The following TMEM132C variants were observed in gnomAD, a reference collection of about 807,000 sequenced individuals.
TMEM132C encodes the protein protein phosphatase 1, regulatory subunit 152.
Under a neutral mutation model 61.4 loss-of-function variants are expected in TMEM132C, and 29 were observed. The observed-to-expected ratio is 0.47, with a 90% CI of 0.35 to 0.64. The LOEUF is 0.64. Among genes scored for constraint, TMEM132C ranks in the 30% least tolerant of loss-of-function variants. The pLI is 0.00. For synonymous variants in TMEM132C, 656 were observed against 633.1 expected, an observed-to-expected ratio of 1.04 and a Z score of -0.54; for missense variants, 1,408 against 1,476.9, an observed-to-expected ratio of 0.95 and a Z score of 0.76.
intron 1 of TMEM132C, among the ~76,000 whole-genome samples, chr12:128,403,501 C>A (rs1396575191): frequency 6.6e-6 from 1 of 152,074 alleles, no homozygotes; most frequent in East Asian, 1.9e-4. Flanking sequence ...TTACCCCCAA[C>A]ATTTCTGTAG....
At position 128,543,991 on chromosome 12, in the gene TMEM132C, G is replaced by C; in HGVS notation, c.1009G>C (p.Ala337Pro). 6.5e-7 allele frequency: 1 copy of C among 1,549,124 alleles called. No homozygotes were observed. Reference protein sequence around the residue: ...KVKKGVNILSAQTREPRQWGV... With the variant: ...KVKKGVNILSPQTREPRQWGV... ...GAAGAAGGGGGTGAACATCCTGAGT[G>C]CTCAGACCCGTGAGCCCCGGCAGTG... Residue 337 changes from alanine to proline, a missense_variant, in exon 3 of 9, where the codon GCT (alanine) becomes CCT (proline). Physicochemically the swap from Ala to Pro is conservative, Grantham distance 27. Transcript: ENST00000435159.
rs1435920492 is a variant in TMEM132C, at chr12:128,318,120, G to A, written c.85+50633G>A. ...ACATGGTGGTGAAAAAAACAGACAC[G>A]GATCTCACCCTAACTCTTACTGAGG... On this transcript the variant is annotated intron_variant, in intron 1 of 8. Coordinates refer to ENST00000435159, the MANE Select transcript of TMEM132C (RefSeq NM_001136103.3). 3.9e-5 allele frequency among the ~76,000 whole-genome samples: 6 copies of A among 152,040 alleles called. No individual in the cohort carries two copies. In the East Asian group the frequency reaches 7.7e-4, roughly 20 times the overall value.
intron 3 of TMEM132C, among the ~76,000 whole-genome samples, chr12:128,554,514 T>C (rs1253462769): frequency 6.6e-6 from 1 of 152,240 alleles, no homozygotes; most frequent in Non-Finnish European, 1.5e-5. Context: ...AAACGTATAT[T>C]GTTCAGGAAA....
chr12:128,608,913 C>CT (rs1876519538), intron 3 of TMEM132C, among the ~76,000 whole-genome samples: 1 of 152,188 alleles, frequency 6.6e-6, no homozygotes, highest in African/African-American at 2.4e-5. Flanking sequence ...TTGCAATACT[C>CT]TTTCTTTTTT....
At chr12:128,352,785 T>A (rs1273817808) in intron 1 of TMEM132C, among the ~76,000 whole-genome samples, 1 of 152,164 alleles carries the variant, frequency 6.6e-6, no homozygotes, top group Non-Finnish European at 1.5e-5. Flanking sequence ...TTCAAGGAGT[T>A]TGCCTCATAG....
chr12:128,701,688 A>G (rs1954804717), intron 8 of TMEM132C, among the ~76,000 whole-genome samples: 1 of 151,926 alleles, frequency 6.6e-6, no homozygotes, highest in Non-Finnish European at 1.5e-5. Context: ...CCTGCCCTTC[A>G]CAGTTTTATT....
intron 1 of TMEM132C, among the ~76,000 whole-genome samples, chr12:128,284,709 C>T (rs1395770499): frequency 6.6e-6 from 1 of 152,080 alleles, no homozygotes; most frequent in East Asian, 1.9e-4. Flanking sequence ...CATATAGTAA[C>T]ATTAAAAGTC....
intron 2 of TMEM132C, among the ~76,000 whole-genome samples, chr12:128,515,592 G>T (rs187811099): frequency 6.6e-6 from 1 of 152,196 alleles, no homozygotes; most frequent in Non-Finnish European, 1.5e-5. Flanking sequence ...CCAGCACTTT[G>T]GGAGGCCGAG....
chr12:128,610,100 T>G (rs1876581062), intron 3 of TMEM132C, among the ~76,000 whole-genome samples: 1 of 152,178 alleles, frequency 6.6e-6, no homozygotes, highest in South Asian at 2.1e-4. Flanking sequence ...GACATTAGGG[T>G]CAATGAGACT....
intron 4 of TMEM132C, among the ~76,000 whole-genome samples, chr12:128,625,360 A>C (rs966040103): frequency 6.6e-6 from 1 of 152,192 alleles, no homozygotes; most frequent in African/African-American, 2.4e-5. Flanking sequence ...CTGTGTCCCC[A>C]CGTGGTGGAA....
chr12:128,558,103 A>G (rs550379864), intron 3 of TMEM132C, among the ~76,000 whole-genome samples: 39 of 152,226 alleles, frequency 2.6e-4, no homozygotes, highest in Non-Finnish European at 2.5e-4. Flanking sequence ...GTGGGTTAGT[A>G]TATGAGGGGT....
At chr12:128,408,396 A>C (rs554544532) in intron 1 of TMEM132C, among the ~76,000 whole-genome samples, 9 of 152,192 alleles carry the variant, frequency 5.9e-5, no homozygotes, top group Non-Finnish European at 7.3e-5. Context: ...GAATGCTCCC[A>C]CTGCAGATGG....
At chr12:128,365,746 C>T (rs554758899) in intron 1 of TMEM132C, among the ~76,000 whole-genome samples, 3 of 152,284 alleles carry the variant, frequency 2.0e-5, no homozygotes, top group African/African-American at 7.2e-5. Flanking sequence ...CACAGTTGTG[C>T]TCCGAATAGT....
At chr12:128,364,557 G>T (rs536752506) in intron 1 of TMEM132C, among the ~76,000 whole-genome samples, 1 of 152,234 alleles carries the variant, frequency 6.6e-6, no homozygotes, top group East Asian at 1.9e-4. Context: ...CTTCCAAAGT[G>T]GCTCCATCCT....
rs547709885 is a variant in TMEM132C at position 128,685,980 on chromosome 12, T to C, written c.1450-7849T>C. Among the ~76,000 whole-genome samples, 9 of 152,258 alleles carry C rather than the reference T, an allele frequency of 5.9e-5. No individual in the cohort carries two copies. The South Asian group carries it at 1.7e-3, about 28-fold the overall frequency. ...ACGAATGTTTGCTGTTGTTATAAAG[T>C]AAGCAATCACTGATAAAAGTCCATC... On this transcript the variant is annotated intron_variant, in intron 5 of 8. Transcript: ENST00000435159.
intron 2 of TMEM132C, among the ~76,000 whole-genome samples, chr12:128,459,884 C>CAAAAA (rs71069569): frequency 5.1e-4 from 42 of 81,572 alleles, no homozygotes; most frequent in Middle Eastern, 7.5e-3. Flanking sequence ...GACTCTGTCT[C>CAAAAA]AAAAAAAAAA....
At position 128,616,143 on chromosome 12, in the gene TMEM132C, C is replaced by T; in HGVS notation, c.1122-9C>T. 1 of 1,549,284 alleles carries T rather than the reference C, an allele frequency of 6.5e-7. No homozygotes were observed. The highest frequency in any genetic ancestry group is 8.7e-7 in the Non-Finnish European group (1 of 1,145,826). ...TTGGCTTAAAGCCAGTTTCTTTTCT[C>T]TCTTCCAGGAGCAGCAGTTTATTCA... On this transcript the variant is annotated splice_polypyrimidine_tract_variant and intron_variant, in intron 3 of 8. Coordinates refer to ENST00000435159, the MANE Select transcript of TMEM132C (RefSeq NM_001136103.3).
At chr12:128,638,196 T>G (rs1038959962) in intron 4 of TMEM132C, among the ~76,000 whole-genome samples, 1 of 152,208 alleles carries the variant, frequency 6.6e-6, no homozygotes, top group Non-Finnish European at 1.5e-5. Context: ...TGCTCAGTGC[T>G]CTACAGCTTA....
Position 128,525,609 on chromosome 12 carries a change from G to A in TMEM132C, c.975-18348G>A, listed in dbSNP as rs144876264. ...AGTTTTGCACACGCCCTTCTGAGAG[G>A]TGTATGATCTATTGCAATGCAAGAA... is the stretch of plus-strand genomic sequence containing the variant. On this transcript the variant is annotated intron_variant, in intron 2 of 8. Transcript: ENST00000435159. 1.2e-3 allele frequency among the ~76,000 whole-genome samples: 189 copies of A among 152,248 alleles called. 7 individuals carry two copies. In the East Asian group the frequency reaches 0.034, roughly 27 times the overall value.
Sources: gnomAD v4.1 joint callset for allele counts (sites outside exome capture counted in the v4.1 genomes callset) on GRCh38, gnomAD v4.1.1 for gene constraint, MANE v1.5 for transcripts, NCBI Gene and HGNC (gene_info 2026-07-23, HGNC 2026-07-21) for gene names.